Variants in GPAT3 observed in about 807,000 individuals in gnomAD.
GPAT3 encodes the protein glycerol-3-phosphate acyltransferase 3, also known as 1-AGP acyltransferase 9.
A neutral mutation model predicts 58.8 loss-of-function variants in GPAT3; 53 were observed. The ratio of observed to expected loss-of-function variants is 0.90; its 90% CI spans 0.72 to 1.13. The LOEUF is 1.13. Ranked by LOEUF, GPAT3 falls within the 50% of genes most tolerant of loss-of-function variation. The probability of loss-of-function intolerance (pLI) is 0.00; values close to 1 mark genes in which losing one functional copy is unlikely to be tolerated. For synonymous variants in GPAT3, 197 were observed against 187.4 expected (o/e 1.05, Z -0.42); for missense variants, 511 against 527.6 (o/e 0.97, Z 0.31).
chr4:83,565,612 C>G (rs548734736), intron 2 of GPAT3, among the ~76,000 whole-genome samples: 22 of 152,314 alleles, frequency 1.4e-4, no homozygotes, highest in African/African-American at 5.3e-4. Context: ...AATTCTGCCT[C>G]AGCCTCCCTA....
At chr4:83,558,790 A>G (rs1423482168) in intron 2 of GPAT3, among the ~76,000 whole-genome samples, 3 of 152,220 alleles carry the variant, frequency 2.0e-5, no homozygotes, top group Non-Finnish European at 4.4e-5. Context: ...TTAACTGTTC[A>G]TATTAAGGGT....
intron 2 of GPAT3, among the ~76,000 whole-genome samples, chr4:83,565,756 A>G (rs1319452366): frequency 1.3e-5 from 2 of 152,242 alleles, no homozygotes; most frequent in African/African-American, 2.4e-5. Flanking sequence ...ATAAGAGTTT[A>G]AAAGGCGGGT....
At position 83,602,467 on chromosome 4, in the gene GPAT3, T is replaced by G. The variant is rs763030456; in HGVS notation, c.1206-2201T>G. ...TGTCATGTACCTATTGGTTATGAAT[T>G]AACATATCTAGATTGTTTTTTCATA... On this transcript the variant is annotated intron_variant, in intron 11 of 11. Transcript: ENST00000264409. Among the ~76,000 whole-genome samples, 10 of 152,364 alleles carry G rather than the reference T, an allele frequency of 6.6e-5. No individual in the cohort carries two copies. In the East Asian group the frequency reaches 9.6e-4, roughly 15 times the overall value.
At chr4:83,548,680 G>A (rs1724633544) in intron 2 of GPAT3, among the ~76,000 whole-genome samples, 1 of 151,870 alleles carries the variant, frequency 6.6e-6, no homozygotes, top group African/African-American at 2.4e-5. Context: ...CAAAGTGCAT[G>A]CAACCACTGC....
intron 2 of GPAT3, among the ~76,000 whole-genome samples, chr4:83,578,993 C>T (rs187762506): frequency 0.17 from 7,449 of 42,620 alleles, 1,217 homozygotes; most frequent in African/African-American, 0.32. Flanking sequence ...TCTTTCCTTC[C>T]TTCCTTCCTT....
intron 2 of GPAT3, among the ~76,000 whole-genome samples, chr4:83,564,439 C>A (rs894875344): frequency 2.0e-5 from 3 of 151,970 alleles, no homozygotes; most frequent in Non-Finnish European, 4.4e-5. Flanking sequence ...TAGTTCATGC[C>A]CATAATCCTA....
At chr4:83,595,400 G>A (rs1380939466) in intron 7 of GPAT3, 5 of 152,468 alleles carry the variant, frequency 3.3e-5, no homozygotes, top group Admixed American at 3.3e-4. Context: ...GATTGATTAA[G>A]TGTTTGCTGA....
Position 83,604,944 on chromosome 4 carries a change from G to A in GPAT3, c.*177G>A, listed in dbSNP as rs959080657. Reference sequence around the variant, plus strand: ...ACAGGTGCCCTTTTTGGCTTTTGTTGTTGTTGTAACATTAGCCCCATGGAT... The same window carrying A: ...ACAGGTGCCCTTTTTGGCTTTTGTTATTGTTGTAACATTAGCCCCATGGAT... On this transcript the variant is annotated 3_prime_UTR_variant, in exon 12 of 12. Coordinates refer to ENST00000264409, the MANE Select transcript of GPAT3 (RefSeq NM_032717.5). The A allele has an allele frequency of 5.6e-5, 32 of 567,096 alleles. No homozygotes were observed. The highest frequency in any genetic ancestry group is 1.9e-5 in the African/African-American group (1 of 52,688). 35.1% of individuals were successfully genotyped at this position (567,096 alleles called of 1,614,324 possible).
intron 2 of GPAT3, among the ~76,000 whole-genome samples, chr4:83,548,280 G>C (rs1237832335): frequency 6.6e-6 from 1 of 152,122 alleles, no homozygotes; most frequent in Non-Finnish European, 1.5e-5. Context: ...GTCTGACTGA[G>C]ATCCTAGCAA....
chr4:83,581,653 C>G lies in GPAT3; in HGVS notation c.300C>G (p.Ser100=). 6.2e-7 allele frequency: 1 copy of G among 1,614,094 alleles called. No homozygotes were observed. Among genetic ancestry groups the G allele is most frequent in the East Asian group, 2.2e-5 (1 of 44,884 alleles). The change falls in exon 3 of 12, where the codon TCC becomes TCG. Residue 100 remains serine (S), a synonymous_variant. Transcript: ENST00000264409. Reference sequence around the variant, plus strand: ...AGCTGTCTGACGTGTTTTATTTCTCCAAGAAGGGATTGGAAGCCATTGTAG... The same window carrying G: ...AGCTGTCTGACGTGTTTTATTTCTCGAAGAAGGGATTGGAAGCCATTGTAG... ...DFELSDVFYF[S]KKGLEAIVED...
chr4:83,589,127 G>T (rs1726494117), intron 5 of GPAT3, among the ~76,000 whole-genome samples: 1 of 152,198 alleles, frequency 6.6e-6, no homozygotes, highest in African/African-American at 2.4e-5. Flanking sequence ...AAGAGTGAAA[G>T]AAAACACTCT....
chr4:83,543,928 AAT>A, intron 1 of GPAT3, among the ~76,000 whole-genome samples: 1 of 152,316 alleles, frequency 6.6e-6, no homozygotes, highest in Admixed American at 6.5e-5. Context: ...GGCATGAGCC[AAT>A]CGTGCCTTAG....
intron 6 of GPAT3, among the ~76,000 whole-genome samples, chr4:83,591,959 G>A (rs1303075142): frequency 3.3e-5 from 5 of 152,170 alleles, no homozygotes; most frequent in African/African-American, 1.2e-4. Flanking sequence ...TAAGGCAGAA[G>A]GGCCAAAAGC....
intron 2 of GPAT3, among the ~76,000 whole-genome samples, chr4:83,565,583 C>T (rs1725350953): frequency 2.0e-5 from 3 of 152,072 alleles, no homozygotes; most frequent in Admixed American, 6.5e-5. Context: ...ACCACAACCT[C>T]CGCCTCTAGG....
At chr4:83,597,949 T>C in intron 9 of GPAT3, 102 bp from the exon 10 acceptor site, 1 of 1,372,622 alleles carries the variant, frequency 7.3e-7, no homozygotes, top group Non-Finnish European at 9.9e-7. Context: ...TTTTTTTTCT[T>C]AGAGTCTGAT....
chr4:83,604,767 A>G lies in GPAT3; in HGVS notation c.1305A>G (p.Ter435=), dbSNP rs1441917426. The change falls in exon 12 of 12, where the codon TAA becomes TAG. Residue 435 remains the stop codon, a stop_retained_variant. Coordinates refer to ENST00000264409, the MANE Select transcript of GPAT3 (RefSeq NM_032717.5). ...TTGTGGGCAATGGATCTCTCAGCTA[A>G]GAGGACGGATGACAGCCTTTAGATC... ...KMIVGNGSLS[*] is the part of the protein sequence containing the mutation. 1 of 1,613,238 alleles carries G rather than the reference A, an allele frequency of 6.2e-7. No homozygotes were observed. The highest frequency in any genetic ancestry group is 1.1e-5 in the South Asian group (1 of 91,028).
intron 2 of GPAT3, among the ~76,000 whole-genome samples, chr4:83,562,198 TA>T (rs1396333633): frequency 0.024 from 995 of 40,702 alleles, 28 homozygotes; most frequent in African/African-American, 0.11. Context: ...TATATATATA[TA>T]ATATATATAT....
chr4:83,551,090 A>C (rs1724732638), intron 2 of GPAT3, among the ~76,000 whole-genome samples: 1 of 152,324 alleles, frequency 6.6e-6, no homozygotes, highest in South Asian at 2.1e-4. Context: ...ATCTCCTAAA[A>C]TATCAAATGT....
chr4:83,586,574 T>C (rs1201285426), intron 3 of GPAT3, among the ~76,000 whole-genome samples: 2 of 152,244 alleles, frequency 1.3e-5, no homozygotes, highest in African/African-American at 4.8e-5. Flanking sequence ...ATTAAACTAT[T>C]GATTTTTCTT....
Sources: gnomAD v4.1 joint callset for allele counts (sites outside exome capture counted in the v4.1 genomes callset) on GRCh38, gnomAD v4.1.1 for gene constraint, MANE v1.5 for transcripts, NCBI Gene and HGNC (gene_info 2026-07-23, HGNC 2026-07-21) for gene names.